Variants in STIM2 observed in about 807,000 individuals in gnomAD.
The protein encoded by STIM2 is stromal interaction molecule 2.
Under a neutral mutation model 85.8 loss-of-function variants are expected in STIM2, and 31 were observed. The observed-to-expected ratio is 0.36, with a 90% CI of 0.27 to 0.49. The LOEUF is 0.49. STIM2 is among the 20% of genes least tolerant of loss of function. The probability of loss-of-function intolerance (pLI) is 0.98; values close to 1 mark genes in which losing one functional copy is unlikely to be tolerated. For synonymous variants in STIM2, 356 were observed against 331.1 expected (o/e 1.08, Z -0.82); for missense variants, 841 against 927.6 (o/e 0.91, Z 1.21).
chr4:26,861,490 C>G (rs901030648), intron 1 of STIM2, 121 bp downstream of exon 1: 2 of 1,218,588 alleles, frequency 1.6e-6, no homozygotes, highest in Non-Finnish European at 2.1e-6. Context: ...GGGCGCGATG[C>G]GGAGCCCTGC....
intron 2 of STIM2, among the ~76,000 whole-genome samples, chr4:26,945,458 T>C (rs1725793916): frequency 6.6e-6 from 1 of 152,208 alleles, no homozygotes; most frequent in African/African-American, 2.4e-5. Context: ...CCTTTGGGTG[T>C]ATACCCAGTA....
At chr4:26,935,449 G>A (rs897990396) in intron 2 of STIM2, among the ~76,000 whole-genome samples, 10 of 152,218 alleles carry the variant, frequency 6.6e-5, no homozygotes, top group African/African-American at 2.4e-4. Context: ...TTAGCTTACA[G>A]AGTGAGAAAG....
intron 1 of STIM2, among the ~76,000 whole-genome samples, chr4:26,891,321 T>C (rs553435615): frequency 6.6e-6 from 1 of 152,274 alleles, no homozygotes; most frequent in Admixed American, 6.5e-5. Flanking sequence ...AAAAGAAGTA[T>C]TTCTGCCTTA....
At chr4:26,931,327 A>G (rs1577445387) in intron 2 of STIM2, among the ~76,000 whole-genome samples, 1 of 152,280 alleles carries the variant, frequency 6.6e-6, no homozygotes, top group East Asian at 1.9e-4. Context: ...ACGGGGAGAC[A>G]AATACAAGGA....
chr4:26,888,346 C>T (rs552077306), intron 1 of STIM2, among the ~76,000 whole-genome samples: 4 of 152,226 alleles, frequency 2.6e-5, no homozygotes, highest in African/African-American at 4.8e-5. Flanking sequence ...GAAGAGGATG[C>T]GGAGTCCCTG....
chr4:26,931,029 A>C (rs1399337782), intron 2 of STIM2, among the ~76,000 whole-genome samples: 2 of 152,098 alleles, frequency 1.3e-5, no homozygotes, highest in Non-Finnish European at 2.9e-5. Flanking sequence ...GGGAGGATCC[A>C]CTTAAAAACC....
intron 1 of STIM2, among the ~76,000 whole-genome samples, chr4:26,866,021 A>T (rs775737891): frequency 6.5e-4 from 98 of 150,730 alleles, no homozygotes; most frequent in Non-Finnish European, 1.3e-3. Context: ...TTTATTTTAG[A>T]TTCATTTTAG....
At chr4:26,954,512 T>G (rs992009177) in intron 2 of STIM2, among the ~76,000 whole-genome samples, 1 of 148,674 alleles carries the variant, frequency 6.7e-6, no homozygotes, top group Non-Finnish European at 1.5e-5. Flanking sequence ...TAAGAAGTAT[T>G]TGTCTTTTGA....
intron 10 of STIM2, among the ~76,000 whole-genome samples, chr4:27,010,991 A>G (rs990833069): frequency 6.6e-6 from 1 of 152,184 alleles, no homozygotes; most frequent in African/African-American, 2.4e-5. Flanking sequence ...CCATCCACAC[A>G]CACTTAAAGT....
At chr4:26,895,642 G>A (rs2109048079) in intron 1 of STIM2, among the ~76,000 whole-genome samples, 1 of 152,234 alleles carries the variant, frequency 6.6e-6, no homozygotes, top group Middle Eastern at 3.4e-3. Flanking sequence ...TCTCCATCTT[G>A]CACTGTCATT....
rs1396035123 is a variant in STIM2, at chr4:26,861,199, G to T, written c.-20G>T. The T allele has an allele frequency of 1.4e-6, 2 of 1,447,394 alleles. No individual in the cohort carries two copies. The highest frequency in any genetic ancestry group is 1.8e-6 in the Non-Finnish European group (2 of 1,099,848). The allele number at this position is 1,447,394 out of a possible 1,614,324, so 89.7% of individuals were successfully genotyped here. On this transcript the variant is annotated 5_prime_UTR_variant, in exon 1 of 12. Transcript: ENST00000467087. ...GGCCCAGCGTGGGGCTGGCTGCTGCGGCGGCGGCGCTGGGCTGCGTTGCTG... is the reference window on the plus strand; with the variant it reads ...GGCCCAGCGTGGGGCTGGCTGCTGCTGCGGCGGCGCTGGGCTGCGTTGCTG...
In STIM2 at chr4:26,956,751, C is replaced by T. The variant is rs540077959; in HGVS notation, c.283-861C>T. Among the ~76,000 whole-genome samples the T allele has an allele frequency of 2.2e-4, 34 of 152,148 alleles. No homozygotes were observed. The East Asian group carries it at 2.9e-3, about 13-fold the overall frequency. ...TATTATTTATTATGTTTTGAAACATCGCTGTCACCAAGTATTTGGTAAAAA... is the reference window on the plus strand; with the variant it reads ...TATTATTTATTATGTTTTGAAACATTGCTGTCACCAAGTATTTGGTAAAAA... On this transcript the variant is annotated intron_variant, in intron 2 of 11. Coordinates refer to ENST00000467087, the MANE Select transcript of STIM2 (RefSeq NM_020860.4).
intron 4 of STIM2, among the ~76,000 whole-genome samples, chr4:26,995,817 T>A (rs536008673): frequency 6.6e-6 from 1 of 152,222 alleles, no homozygotes; most frequent in African/African-American, 2.4e-5. Context: ...ACTGATTCAT[T>A]TTTATGAACA....
Position 26,872,530 on chromosome 4 carries a change from G to T in STIM2, c.151+11161G>T, listed in dbSNP as rs1426543731. On this transcript the variant is annotated intron_variant, in intron 1 of 11. Transcript: ENST00000467087. ...ATAACAAAGATAACATCAAAATTTT[G>T]TTTTTTACAATCTTTTATAGATATG... Among the ~76,000 whole-genome samples, 4 of 152,026 alleles carry T rather than the reference G, an allele frequency of 2.6e-5. No individual in the cohort carries two copies. The East Asian group carries it at 7.7e-4, about 29-fold the overall frequency.
intron 3 of STIM2, among the ~76,000 whole-genome samples, chr4:26,961,378 T>C (rs1018996197): frequency 6.6e-6 from 1 of 152,196 alleles, no homozygotes; most frequent in Non-Finnish European, 1.5e-5. Flanking sequence ...AAAAGTCACA[T>C]GTGAAATGAT....
intron 2 of STIM2, among the ~76,000 whole-genome samples, chr4:26,947,989 C>T (rs1215177949): frequency 6.6e-6 from 1 of 151,990 alleles, no homozygotes; most frequent in African/African-American, 2.4e-5. Flanking sequence ...GTAAACATTC[C>T]ATAATAGGGA....
Position 26,911,231 on chromosome 4 carries a change from A to AAAAT in STIM2, c.152-8249_152-8246dup, listed in dbSNP as rs34059197. Reference sequence around the variant, plus strand: ...TAGCCTGGGCGACAGTGTGTCTCAAAAAATAAATAAATAAATAAATAAATA... The same window carrying AAAAT: ...TAGCCTGGGCGACAGTGTGTCTCAAAAAATAAATAAATAAATAAATAAATAAATA... On this transcript the variant is annotated intron_variant, in intron 1 of 11. Coordinates refer to ENST00000467087, the MANE Select transcript of STIM2 (RefSeq NM_020860.4). Among the ~76,000 whole-genome samples the AAAAT allele has an allele frequency of 2.0e-3, 301 of 150,950 alleles. 1 individual carries two copies. The highest frequency in any genetic ancestry group is 3.9e-3 in the African/African-American group (159 of 40,932).
chr4:27,015,438 C>G (rs1728697789), intron 10 of STIM2, among the ~76,000 whole-genome samples: 3 of 151,514 alleles, frequency 2.0e-5, no homozygotes, highest in Admixed American at 2.0e-4. Context: ...GCTTGTTATT[C>G]ATTTCTTTTT....
At chr4:26,884,855 G>A (rs1404288056) in intron 1 of STIM2, among the ~76,000 whole-genome samples, 1 of 152,154 alleles carries the variant, frequency 6.6e-6, no homozygotes, top group Non-Finnish European at 1.5e-5. Context: ...ACCCAGAGAG[G>A]TTAAACACGA....
Sources: gnomAD v4.1 joint callset for allele counts (sites outside exome capture counted in the v4.1 genomes callset) on GRCh38, gnomAD v4.1.1 for gene constraint, MANE v1.5 for transcripts, NCBI Gene and HGNC (gene_info 2026-07-23, HGNC 2026-07-21) for gene names.